SHISA6: variants seen among roughly 807,000 people sequenced by gnomAD.
The protein encoded by SHISA6 is protein shisa-6.
Under a neutral mutation model 47.9 loss-of-function variants are expected in SHISA6, and 22 were observed. That is an observed-to-expected ratio of 0.46 (90% confidence interval 0.33 to 0.66). The LOEUF is 0.66. Ranked by LOEUF, SHISA6 falls within the 30% of genes least tolerant of loss-of-function variation. The probability of loss-of-function intolerance (pLI) is 0.02; values close to 1 mark genes in which losing one functional copy is unlikely to be tolerated. For synonymous variants in SHISA6, 388 were observed against 337.8 expected, an observed-to-expected ratio of 1.15 and a Z score of -1.63; for missense variants, 680 against 764.6, an observed-to-expected ratio of 0.89 and a Z score of 1.30.
At chr17:11,479,515 G>T (rs1460803135) in intron 3 of SHISA6, among the ~76,000 whole-genome samples, 1 of 151,770 alleles carries the variant, frequency 6.6e-6, no homozygotes, top group East Asian at 1.9e-4. Flanking sequence ...ATGCCTGCAG[G>T]GCTTAAAACC....
rs1915186027 is a variant in SHISA6, at chr17:11,444,726, T to A, written c.895+65217T>A. Among the ~76,000 whole-genome samples, 3 of 152,310 alleles carry A rather than the reference T, an allele frequency of 2.0e-5. No homozygotes were observed. In the South Asian group the frequency reaches 6.2e-4, roughly 32 times the overall value. Reference sequence around the variant, plus strand: ...CACCAAGGAAAGAAGGAACCGAGATTTATTTACTTAACAATGGTTTATAAT... The same window carrying A: ...CACCAAGGAAAGAAGGAACCGAGATATATTTACTTAACAATGGTTTATAAT... On this transcript the variant is annotated intron_variant, in intron 3 of 5. Coordinates refer to ENST00000441885, the MANE Select transcript of SHISA6 (RefSeq NM_207386.4).
At chr17:11,328,561 A>T (rs1910989484) in intron 2 of SHISA6, among the ~76,000 whole-genome samples, 1 of 152,224 alleles carries the variant, frequency 6.6e-6, no homozygotes. Context: ...AGTGCCTGGT[A>T]TGTAGGAAAC....
intron 3 of SHISA6, among the ~76,000 whole-genome samples, chr17:11,477,904 G>C (rs1053443811): frequency 4.1e-5 from 6 of 146,404 alleles, no homozygotes; most frequent in Admixed American, 1.4e-4. Context: ...CTTTATAGCA[G>C]CATGATTCAT....
intron 3 of SHISA6, among the ~76,000 whole-genome samples, chr17:11,401,602 G>A (rs1211621523): frequency 6.6e-6 from 1 of 152,212 alleles, no homozygotes; most frequent in African/African-American, 2.4e-5. Context: ...GGGTTCTATA[G>A]TCATCACAAT....
rs78632693 is a variant in SHISA6 at position 11,318,396 on chromosome 17, C to T, written c.799+54870C>T. On this transcript the variant is annotated intron_variant, in intron 2 of 5. Coordinates refer to ENST00000441885, the MANE Select transcript of SHISA6 (RefSeq NM_207386.4). ...GACCACACTAGGCCTCGTTTGGCTT[C>T]GTCCTGTGCCAAGCCACAGGGCCTT... Among the ~76,000 whole-genome samples the T allele has an allele frequency of 1.8e-4, 27 of 152,308 alleles. No homozygotes were observed. In the East Asian group the frequency reaches 4.2e-3, roughly 24 times the overall value.
Position 11,357,970 on chromosome 17 carries a change from C to T in SHISA6, c.800-21444C>T, listed in dbSNP as rs918794685. On this transcript the variant is annotated intron_variant, in intron 2 of 5. Transcript: ENST00000441885. ...TGTCTTCCCCTAAGGAAGTTCATCT[C>T]TTCTTATTTGGAAGAGCTTTTTAAA... is the stretch of plus-strand genomic sequence containing the variant. Among the ~76,000 whole-genome samples the T allele has an allele frequency of 1.4e-4, 21 of 152,228 alleles. No homozygotes were observed. In the East Asian group the frequency reaches 4.1e-3, roughly 29 times the overall value.
At chr17:11,280,934 A>G (rs1388371169) in intron 2 of SHISA6, among the ~76,000 whole-genome samples, 3 of 152,234 alleles carry the variant, frequency 2.0e-5, no homozygotes, top group Admixed American at 1.3e-4. Context: ...CGCATTCATA[A>G]TCACCTTCTT....
chr17:11,329,055 C>T (rs758666212), intron 2 of SHISA6, among the ~76,000 whole-genome samples: 1 of 152,194 alleles, frequency 6.6e-6, no homozygotes, highest in Non-Finnish European at 1.5e-5. Context: ...CATGCAGGCA[C>T]ATTGACTCAT....
At chr17:11,422,841 G>A (rs912676354) in intron 3 of SHISA6, among the ~76,000 whole-genome samples, 2 of 151,786 alleles carry the variant, frequency 1.3e-5, no homozygotes, top group African/African-American at 4.8e-5. Context: ...GCCTCAACAG[G>A]AAAACATGGC....
rs372464937 is a variant in SHISA6, at chr17:11,499,683, CTT to C, written c.896-52197_896-52196del. Among the ~76,000 whole-genome samples, 388 of 127,494 alleles carry C rather than the reference CTT, an allele frequency of 3.0e-3. 1 individual carries two copies. The highest frequency in any genetic ancestry group is 9.3e-3 in the East Asian group (42 of 4,514). 83.6% of individuals were successfully genotyped at this position (127,494 alleles called of 152,430 possible). The stretch of plus-strand genomic sequence containing the variant: ...AATTTGAAATCTATTCTTTTTCTTT[CTT>C]TTTTTTTTTTTTTTTGTTGTTGTTG... On this transcript the variant is annotated intron_variant, in intron 3 of 5. Coordinates refer to ENST00000441885, the MANE Select transcript of SHISA6 (RefSeq NM_207386.4).
chr17:11,505,342 G>A (rs145313717), intron 3 of SHISA6, among the ~76,000 whole-genome samples: 1 of 152,142 alleles, frequency 6.6e-6, no homozygotes, highest in Non-Finnish European at 1.5e-5. Context: ...TTCATGGATG[G>A]GTTCCAGAAA....
chr17:11,277,041 A>G (rs1330010567), intron 2 of SHISA6, among the ~76,000 whole-genome samples: 1 of 152,084 alleles, frequency 6.6e-6, no homozygotes, highest in Admixed American at 6.5e-5. Context: ...GGCCAGACCA[A>G]ACAGTTGATG....
At chr17:11,516,686 C>A (rs1228073134) in intron 3 of SHISA6, among the ~76,000 whole-genome samples, 1 of 152,206 alleles carries the variant, frequency 6.6e-6, no homozygotes, top group Non-Finnish European at 1.5e-5. Flanking sequence ...CAGTAGAAGG[C>A]AGCTACAGCA....
chr17:11,338,799 C>T (rs139334885), intron 2 of SHISA6, among the ~76,000 whole-genome samples: 103 of 152,200 alleles, frequency 6.8e-4, no homozygotes, highest in African/African-American at 2.5e-3. Context: ...TTGAATTTTG[C>T]TGTTAATCTT....
At chr17:11,347,165 A>G (rs1480065428) in intron 2 of SHISA6, among the ~76,000 whole-genome samples, 1 of 152,052 alleles carries the variant, frequency 6.6e-6, no homozygotes, top group African/African-American at 2.4e-5. Flanking sequence ...TTGTGGTTGG[A>G]ACTAGAGTTG....
At chr17:11,405,806 AAAG>A (rs1273804320) in intron 3 of SHISA6, among the ~76,000 whole-genome samples, 2 of 151,986 alleles carry the variant, frequency 1.3e-5, no homozygotes, top group African/African-American at 4.8e-5. Flanking sequence ...AAAAAAAAGA[AAAG>A]AAAAAAAATT....
chr17:11,468,282 G>T (rs1250895972), intron 3 of SHISA6, among the ~76,000 whole-genome samples: 1 of 151,980 alleles, frequency 6.6e-6, no homozygotes, highest in Non-Finnish European at 1.5e-5. Context: ...TAAAGTTAGA[G>T]TATGACTGTA....
chr17:11,340,429 G>A (rs768571110), intron 2 of SHISA6, among the ~76,000 whole-genome samples: 2 of 152,188 alleles, frequency 1.3e-5, no homozygotes, highest in Non-Finnish European at 2.9e-5. Context: ...CAGCAGGCTA[G>A]GCTAAGCTTC....
chr17:11,417,520 C>G (rs996734439), intron 3 of SHISA6, among the ~76,000 whole-genome samples: 1 of 152,190 alleles, frequency 6.6e-6, no homozygotes, highest in Non-Finnish European at 1.5e-5. Context: ...TTCTCCAGGA[C>G]AGCGCTGGCC....
Sources: allele counts gnomAD v4.1 joint callset (sites outside exome capture counted in the v4.1 genomes callset), GRCh38; gene constraint gnomAD v4.1.1; transcripts MANE v1.5; gene names NCBI Gene and HGNC (gene_info 2026-07-23, HGNC 2026-07-21).